The following CDC42BPB variants were observed in gnomAD, a reference collection of about 807,000 sequenced individuals.
The protein encoded by CDC42BPB is serine/threonine-protein kinase MRCK beta.
CDC42BPB carries 37 observed loss-of-function variants against 214.9 expected under a neutral mutation model. That is an observed-to-expected ratio of 0.17 (90% CI 0.13 to 0.23). The LOEUF is 0.23. Ranked by LOEUF, CDC42BPB falls within the 10% of genes least tolerant of loss-of-function variation. The pLI, the probability that CDC42BPB is intolerant of heterozygous loss-of-function variation, is 1.00. For synonymous variants in CDC42BPB, 931 were observed against 884.0 expected, an observed-to-expected ratio of 1.05 and a Z score of -0.94; for missense variants, 1,694 against 2,227.0, an observed-to-expected ratio of 0.76 and a Z score of 4.82.
intron 34 of CDC42BPB, among the ~76,000 whole-genome samples, chr14:102,939,131 G>A (rs576460480): frequency 6.6e-6 from 1 of 152,134 alleles, no homozygotes; most frequent in South Asian, 2.1e-4. Context: ...AGTAGAGACA[G>A]GGTTTCACCG....
chr14:103,025,057 A>T (rs547863973), intron 1 of CDC42BPB, among the ~76,000 whole-genome samples: 1 of 152,342 alleles, frequency 6.6e-6, no homozygotes, highest in South Asian at 2.1e-4. Flanking sequence ...CTGTGAATTC[A>T]GAAAAGTCTG....
At chr14:102,940,468 T>G in intron 30 of CDC42BPB, 144 bp from the exon 31 acceptor site, 1 of 1,465,908 alleles carries the variant, frequency 6.8e-7, no homozygotes, top group Non-Finnish European at 9.0e-7. Flanking sequence ...AAAGACTTCA[T>G]GTTCCCACTC....
At chr14:102,970,113 C>A in intron 14 of CDC42BPB, 38 bp downstream of exon 14, 1 of 1,490,748 alleles carries the variant, frequency 6.7e-7, no homozygotes, top group Non-Finnish European at 9.3e-7. Context: ...GATAAGCATC[C>A]CTCTCAGTTA....
In CDC42BPB at chr14:102,979,794, C is replaced by T. The variant is rs554851490; in HGVS notation, c.1140+979G>A. Among the ~76,000 whole-genome samples the T allele has an allele frequency of 1.4e-4, 21 of 152,222 alleles. 1 individual carries two copies. The highest frequency in any genetic ancestry group is 2.6e-4 in the African/African-American group (11 of 41,538). ...GTTTGATGAGAACAAAAGAATTTTA[C>T]GAGATATGAGCAAAATTCTCCAGGA... On this transcript the variant is annotated intron_variant, in intron 8 of 36. Transcript: ENST00000361246.
intron 1 of CDC42BPB, among the ~76,000 whole-genome samples, chr14:103,053,719 G>A (rs972859219): frequency 4.2e-5 from 6 of 142,748 alleles, no homozygotes; most frequent in South Asian, 2.3e-4. Context: ...CCGAGATCCC[G>A]CCACTGCACT....
At chr14:103,019,181 G>A (rs938515371) in intron 1 of CDC42BPB, among the ~76,000 whole-genome samples, 2 of 151,960 alleles carry the variant, frequency 1.3e-5, no homozygotes, top group Admixed American at 6.6e-5. Context: ...TGATCCTCCC[G>A]CCTTGGCCTC....
intron 6 of CDC42BPB, among the ~76,000 whole-genome samples, chr14:102,985,241 T>C (rs541895112): frequency 1.2e-4 from 17 of 145,528 alleles, no homozygotes; most frequent in Admixed American, 2.7e-4. Context: ...CATGACGGGG[T>C]GGTGTGGAGG....
chr14:102,972,997 C>G (rs1455161916), intron 12 of CDC42BPB, among the ~76,000 whole-genome samples: 1 of 152,248 alleles, frequency 6.6e-6, no homozygotes, highest in Admixed American at 6.5e-5. Flanking sequence ...CGGATACTGG[C>G]TGTCACTCTG....
intron 26 of CDC42BPB, chr14:102,948,067 G>C: frequency 1.5e-6 from 1 of 670,744 alleles, no homozygotes; most frequent in Non-Finnish European, 1.8e-6. Flanking sequence ...GACTATGCCA[G>C]TTACAGAAGA....
chr14:103,002,579 G>A lies in CDC42BPB; in HGVS notation c.447+1349C>T, dbSNP rs531240319. On this transcript the variant is annotated intron_variant, in intron 4 of 36. Transcript: ENST00000361246. ...GGAAATGAACTGGAGACAGTCCACC[G>A]GGGTCCTGGGAGCAGGGACACTGAG... 3.3e-4 allele frequency among the ~76,000 whole-genome samples: 50 copies of A among 152,242 alleles called. No individual in the cohort carries two copies. In the South Asian group the frequency reaches 9.1e-3, roughly 28 times the overall value.
At chr14:103,043,464 G>T (rs1174519191) in intron 1 of CDC42BPB, among the ~76,000 whole-genome samples, 1 of 152,134 alleles carries the variant, frequency 6.6e-6, no homozygotes, top group African/African-American at 2.4e-5. Flanking sequence ...AAAATACCCA[G>T]AACAGGCAGA....
At chr14:102,959,838 TAAAAAAAAAA>T in intron 20 of CDC42BPB, 128 bp from the exon 21 acceptor site, 1 of 718,158 alleles carries the variant, frequency 1.4e-6, no homozygotes, top group Non-Finnish European at 1.6e-6. Context: ...TGATCACAAT[TAAAAAAAAAA>T]AAAAAAAAAA....
intron 14 of CDC42BPB, among the ~76,000 whole-genome samples, chr14:102,969,281 T>G (rs1224934513): frequency 1.3e-5 from 2 of 152,276 alleles, no homozygotes; most frequent in East Asian, 3.9e-4. Flanking sequence ...CCAGTGTGTC[T>G]GGTGTGGCGG....
At chr14:103,034,740 C>T (rs1171787269) in intron 1 of CDC42BPB, among the ~76,000 whole-genome samples, 3 of 151,952 alleles carry the variant, frequency 2.0e-5, no homozygotes, top group Admixed American at 1.3e-4. Context: ...ATCCCCTGAA[C>T]CCGGGAGGCG....
intron 8 of CDC42BPB, among the ~76,000 whole-genome samples, chr14:102,979,978 G>C (rs553851386): frequency 3.3e-5 from 5 of 152,318 alleles, no homozygotes; most frequent in Admixed American, 6.5e-5. Flanking sequence ...AACTCTTGCT[G>C]TATAAAGAAA....
chr14:103,021,327 G>T lies in CDC42BPB; in HGVS notation c.176-9139C>A, dbSNP rs189989712. Among the ~76,000 whole-genome samples, 211 of 152,196 alleles carry T rather than the reference G, an allele frequency of 1.4e-3. 1 individual carries two copies. Among genetic ancestry groups the T allele is most frequent in the African/African-American group, 4.8e-3 (201 of 41,522 alleles). ...TATTTTTTAAAAAAATTAGCCAGGC[G>T]TGGTGGCGGGCACCTGTAGTCCCAG... On this transcript the variant is annotated intron_variant, in intron 1 of 36. Transcript: ENST00000361246.
In CDC42BPB at chr14:103,000,283, G is replaced by GCTGA. The variant is rs142569009; in HGVS notation, c.448-574_448-571dup. Among the ~76,000 whole-genome samples the GCTGA allele has an allele frequency of 7.1e-3, 1,081 of 152,376 alleles. 12 individuals are homozygous for GCTGA. Among genetic ancestry groups the GCTGA allele is most frequent in the African/African-American group, 0.025 (1,032 of 41,586 alleles). ...GGGAGAAAAAACATCTGCTAACAGG[G>GCTGA]CTGAGCCCGTCACTTCCCCGCGAGT... On this transcript the variant is annotated intron_variant, in intron 4 of 36. Transcript: ENST00000361246.
intron 4 of CDC42BPB, among the ~76,000 whole-genome samples, chr14:103,002,845 G>A (rs912285055): frequency 1.3e-5 from 2 of 152,170 alleles, no homozygotes; most frequent in African/African-American, 4.8e-5. Context: ...ACAAACACCA[G>A]CTGCCCCCTC....
chr14:102,956,705 T>G (rs1260481860), intron 21 of CDC42BPB, among the ~76,000 whole-genome samples: 4 of 152,090 alleles, frequency 2.6e-5, no homozygotes, highest in African/African-American at 9.7e-5. Flanking sequence ...GGCGAGCACC[T>G]GTAGTGCCAG....
Sources: gnomAD v4.1 joint callset for allele counts (sites outside exome capture counted in the v4.1 genomes callset) on GRCh38, gnomAD v4.1.1 for gene constraint, MANE v1.5 for transcripts, NCBI Gene and HGNC (gene_info 2026-07-23, HGNC 2026-07-21) for gene names.